Variants in EPN3 observed in about 807,000 individuals in gnomAD.
EPN3 encodes the protein epsin-3.
EPN3 carries 56 observed loss-of-function variants against 55.5 expected under a neutral mutation model. The ratio of observed to expected loss-of-function variants is 1.01; its 90% CI spans 0.81 to 1.26. The LOEUF (loss-of-function observed/expected upper bound fraction) is 1.26. EPN3 is among the 50% of genes most tolerant of loss of function. EPN3 has a pLI of 0.00. For missense variants in EPN3, 927 were observed against 853.4 expected (o/e 1.09, Z -1.07); for synonymous variants, 449 against 375.2 (o/e 1.20, Z -2.27).
At chr17:50,534,518 C>CA (rs1414728257) in intron 1 of EPN3, 2 of 985,392 alleles carry the variant, frequency 2.0e-6, no homozygotes, top group Admixed American at 6.1e-5. Flanking sequence ...CTGCCACCCC[C>CA]AGCCACGGGT....
At position 50,538,085 on chromosome 17, in the gene EPN3, C is replaced by A. The variant is rs1000897065; in HGVS notation, c.569C>A (p.Ser190Tyr). Residue 190 changes from serine (S) to tyrosine (Y), a missense_variant, in exon 3 of 10, where the codon TCT becomes TAT. By Grantham distance (144) the Ser-to-Tyr change is moderately radical. Transcript: ENST00000268933. ...GACATGATGGTCATTGCAGCCTCCT[C>A]TTCGTCACCCCGCTATACCTCCGAC... is the stretch of plus-strand genomic sequence containing the variant. ...RGSPSSYNSSSSSPRYTSDLE... is the reference protein window; with the variant it reads ...RGSPSSYNSSYSSPRYTSDLE... 3 of 1,613,798 alleles carry A rather than the reference C, an allele frequency of 1.9e-6. No individual in the cohort carries two copies. Among genetic ancestry groups the A allele is most frequent in the Non-Finnish European group, 2.5e-6 (3 of 1,179,776 alleles).
At chr17:50,534,304 A>T (rs2034726684) in intron 1 of EPN3, 1 of 614,590 alleles carries the variant, frequency 1.6e-6, no homozygotes, top group Non-Finnish European at 2.0e-6. Context: ...AGAAAGGTCC[A>T]GGCAGGGCCG....
At position 50,536,992 on chromosome 17, in the gene EPN3, C is replaced by T. The variant is rs769367221; in HGVS notation, c.436C>T (p.His146Tyr). 13 of 1,613,668 alleles carry T rather than the reference C, an allele frequency of 8.1e-6. No individual in the cohort carries two copies. Among genetic ancestry groups the T allele is most frequent in the South Asian group, 3.3e-5 (3 of 91,078 alleles). Reference sequence around the variant, plus strand: ...GGAGCGGCTGCGGCAGGAGCGAACCCACGCCCTCAAGACCAAGGAGCGCAT... The same window carrying T: ...GGAGCGGCTGCGGCAGGAGCGAACCTACGCCCTCAAGACCAAGGAGCGCAT... ...DEERLRQERT[H>Y]ALKTKERMAL... The change falls in exon 2 of 10, where the codon CAC (histidine) becomes TAC (tyrosine). Residue 146 changes from histidine to tyrosine, a missense_variant. Transcript: ENST00000268933.
At position 50,541,473 on chromosome 17, in the gene EPN3, T is replaced by C. The variant is rs1340156559; in HGVS notation, c.1364T>C (p.Leu455Pro). 6.2e-7 allele frequency: 1 copy of C among 1,613,996 alleles called. No homozygotes were observed. Among genetic ancestry groups the C allele is most frequent in the Non-Finnish European group, 8.5e-7 (1 of 1,179,974 alleles). ...GKPSSPVELD[L>P]FGDPSPSSKQ... The stretch of plus-strand genomic sequence containing the variant: ...AGCATTTCTATTCCAGAGCTGGACC[T>C]GTTTGGAGACCCCAGCCCCAGTTCC... The change falls in exon 9 of 10, where the codon CTG becomes CCG. Residue 455 changes from leucine (L) to proline (P), a missense_variant. Leu to Pro is a moderately conservative substitution (Grantham distance 98). Coordinates refer to ENST00000268933, the MANE Select transcript of EPN3 (RefSeq NM_017957.3).
In EPN3 at chr17:50,536,479, A is replaced by G. The variant is rs1273419178; in HGVS notation, c.-78A>G. 5.6e-6 allele frequency: 9 copies of G among 1,594,950 alleles called. No homozygotes were observed. In the African/African-American group the frequency reaches 9.5e-5, roughly 17 times the overall value. On this transcript the variant is annotated 5_prime_UTR_variant, in exon 2 of 10. Coordinates refer to ENST00000268933, the MANE Select transcript of EPN3 (RefSeq NM_017957.3). Reference sequence around the variant, plus strand: ...CTAACACGGCAGCCCATCCTTCAAGACTGTGACCTCGCCACAGTGGCCCTC... The same window carrying G: ...CTAACACGGCAGCCCATCCTTCAAGGCTGTGACCTCGCCACAGTGGCCCTC...
chr17:50,534,958 C>T (rs888205268), intron 1 of EPN3, among the ~76,000 whole-genome samples: 1 of 152,080 alleles, frequency 6.6e-6, no homozygotes, highest in Non-Finnish European at 1.5e-5. Flanking sequence ...CTCTGCAGGC[C>T]CAGACAGTGT....
intron 1 of EPN3, among the ~76,000 whole-genome samples, chr17:50,533,677 C>G (rs1391931948): frequency 6.6e-6 from 1 of 152,182 alleles, no homozygotes; most frequent in African/African-American, 2.4e-5. Context: ...CTGAGAAGAG[C>G]AGCCCCTCCC....
In EPN3 at chr17:50,532,749, C is replaced by A; in HGVS notation, c.-373C>A. ...CAACTTTCCTCGGAGTGCTGCCTGG[C>A]GCTGGCTAGGAGGCAAACGCACGCG... On this transcript the variant is annotated 5_prime_UTR_variant, in exon 1 of 10. Transcript: ENST00000268933. The A allele has an allele frequency of 2.0e-6, 1 of 507,754 alleles. No individual in the cohort carries two copies. Among genetic ancestry groups the A allele is most frequent in the Non-Finnish European group, 3.2e-6 (1 of 310,610 alleles). The allele number at this position is 507,754 out of a possible 1,614,324, so 31.5% of individuals were successfully genotyped here. A position where few individuals can be genotyped will look rare whatever the true frequency, so the allele number is the denominator to read the frequency against.
Position 50,541,326 on chromosome 17 carries a change from C to T in EPN3, c.1347C>T (p.Ser449=), listed in dbSNP as rs1419436806. 1.9e-6 allele frequency: 3 copies of T among 1,612,016 alleles called. No individual in the cohort carries two copies. The highest frequency in any genetic ancestry group is 1.1e-5 in the South Asian group (1 of 91,072). ...CCCTGCCCTCTGGGAAGCCCAGCAG[C>T]CCTGTGGGTGAGCAGGGCAAGGGGA... ...EQALPSGKPS[S]PVELDLFGDP... is the part of the protein sequence containing the mutation. Residue 449 remains serine (S), a synonymous_variant, in exon 8 of 10, where the codon AGC becomes AGT. Coordinates refer to ENST00000268933, the MANE Select transcript of EPN3 (RefSeq NM_017957.3).
rs770263447 is a variant in EPN3, at chr17:50,541,039, C to T, written c.1226C>T (p.Ser409Phe). Residue 409 changes from serine (S) to phenylalanine (F), a missense_variant, in exon 7 of 10, where the codon TCC becomes TTC. Physicochemically the swap from Ser to Phe is radical, Grantham distance 155. Transcript: ENST00000268933. ...ACTGGGGCTGACCCTTGGGGAGCCT[C>T]CCTGGAGACCTCCGACACACCTGGT... ...PSTGADPWGA[S>F]LETSDTPGGA... The T allele has an allele frequency of 2.4e-5, 38 of 1,586,392 alleles. No homozygotes were observed. The highest frequency in any genetic ancestry group is 3.1e-5 in the Non-Finnish European group (36 of 1,166,506).
chr17:50,537,039 TG>T lies in EPN3; in HGVS notation c.485del (p.Gly162AlafsTer59), dbSNP rs2034774280. On this transcript the variant is annotated frameshift_variant, in exon 2 of 10. Transcript: ENST00000268933. LOFTEE classifies it high-confidence loss of function. The stretch of plus-strand genomic sequence containing the variant: ...GCATGGCACTGGAGGGCATCGGCAT[TG>T]GCAGTGGGCAGCTGGGCTTCAGCCG... Reference protein sequence around the residue: ...ERMALEGIGIGSGQLGFSRRY... With the variant: ...ERMALEGIGIXSGQLGFSRRY... The T allele has an allele frequency of 6.2e-7, 1 of 1,612,528 alleles. No homozygotes were observed. Among genetic ancestry groups the T allele is most frequent in the Non-Finnish European group, 8.5e-7 (1 of 1,179,862 alleles).
chr17:50,539,286 AAGG>A lies in EPN3; in HGVS notation c.871_873del (p.Glu291del), dbSNP rs774393464. On this transcript the variant is annotated inframe_deletion, in exon 5 of 10. Transcript: ENST00000268933. Reference sequence around the variant, plus strand: ...CAGAGAGCCTGAGAGAGAAGAGAGAAAGGAGGAGGAGAAGCTAAAAACCAGCCA... The same window carrying A: ...CAGAGAGCCTGAGAGAGAAGAGAGAAAGGAGGAGAAGCTAAAAACCAGCCA... 90 of 1,614,036 alleles carry A rather than the reference AAGG, an allele frequency of 5.6e-5. No homozygotes were observed. The highest frequency in any genetic ancestry group is 7.2e-5 in the Non-Finnish European group (85 of 1,180,024).
intron 1 of EPN3, among the ~76,000 whole-genome samples, chr17:50,535,033 T>C (rs2034738915): frequency 6.6e-6 from 1 of 152,180 alleles, no homozygotes; most frequent in Admixed American, 6.5e-5. Context: ...ATTCCTCTTT[T>C]GGTTTCTGAA....
intron 1 of EPN3, chr17:50,536,003 C>T (rs2034754646): frequency 6.5e-6 from 1 of 154,414 alleles, no homozygotes; most frequent in Non-Finnish European, 1.4e-5. Context: ...GCTCTGTGAT[C>T]TCGGACAAGT....
intron 6 of EPN3, among the ~76,000 whole-genome samples, 180 bp from the exon 7 acceptor site, chr17:50,540,613 G>A (rs773890779): frequency 6.6e-6 from 1 of 152,224 alleles, no homozygotes; most frequent in African/African-American, 2.4e-5. Context: ...CACACCTGCA[G>A]GTCCCAGTTC....
chr17:50,533,389 C>T (rs1041518667), intron 1 of EPN3, among the ~76,000 whole-genome samples: 2 of 152,150 alleles, frequency 1.3e-5, no homozygotes, highest in South Asian at 2.1e-4. Flanking sequence ...TTCAAGCTCA[C>T]CCCCTGTCCC....
chr17:50,535,110 G>A (rs2034740291), intron 1 of EPN3, among the ~76,000 whole-genome samples: 1 of 152,202 alleles, frequency 6.6e-6, no homozygotes, highest in Non-Finnish European at 1.5e-5. Flanking sequence ...GTGGCTACTG[G>A]GGGGAATTGG....
At position 50,541,561 on chromosome 17, in the gene EPN3, C is replaced by T. The variant is rs745853170; in HGVS notation, c.1452C>T (p.Thr484=). 2.5e-6 allele frequency: 4 copies of T among 1,614,084 alleles called. No homozygotes were observed. The African/African-American group carries it at 4.0e-5, about 16-fold the overall frequency. ...TGGGCATACTAGGGGAAGCACTAAC[C>T]CAGCCAAGCAAAGAGGCCCGAGCTT... The part of the protein sequence containing the change: ...LDLGILGEAL[T]QPSKEARACR... Residue 484 remains threonine (T), a synonymous_variant, in exon 9 of 10, where the codon ACC becomes ACT. Coordinates refer to ENST00000268933, the MANE Select transcript of EPN3 (RefSeq NM_017957.3).
At chr17:50,541,429 T>C in intron 8 of EPN3, 35 bp from the exon 9 acceptor site, 3 of 1,611,142 alleles carry the variant, frequency 1.9e-6, no homozygotes, top group Non-Finnish European at 2.5e-6. Context: ...GCCAATCCCT[T>C]TCCCCACCAA....
Sources: gnomAD v4.1 joint callset for allele counts (sites outside exome capture counted in the v4.1 genomes callset) on GRCh38, gnomAD v4.1.1 for gene constraint, MANE v1.5 for transcripts, NCBI Gene and HGNC (gene_info 2026-07-23, HGNC 2026-07-21) for gene names.